GPR149: variants seen among roughly 807,000 people sequenced by gnomAD.
GPR149 encodes G protein-coupled receptor 149, also known as probable G protein-coupled receptor 149.
GPR149 carries 50 observed loss-of-function variants against 50.2 expected under a neutral mutation model. The ratio of observed to expected loss-of-function variants is 1.00; its 90% confidence interval spans 0.79 to 1.26. GPR149 has a LOEUF of 1.26. Ranked by LOEUF, GPR149 falls within the 50% of genes most tolerant of loss-of-function variation. The pLI is 0.00. For synonymous variants in GPR149, 405 were observed against 358.2 expected (o/e 1.13, Z -1.48); for missense variants, 983 against 895.4 (o/e 1.10, Z -1.25).
At position 154,390,792 on chromosome 3, in the gene GPR149, CAA is replaced by C. The variant is rs200833008; in HGVS notation, c.1623+30245_1623+30246del. 7.3e-3 allele frequency among the ~76,000 whole-genome samples: 1,105 copies of C among 151,900 alleles called. 18 individuals carry two copies. The highest frequency in any genetic ancestry group is 0.025 in the African/African-American group (1,051 of 41,424). Reference sequence around the variant, plus strand: ...TAATTGAACTGACAAAATTTGAAGACAAAGAGAGAATTTGAAAGCAGCAAGAG... The same window carrying C: ...TAATTGAACTGACAAAATTTGAAGACAGAGAGAATTTGAAAGCAGCAAGAG... On this transcript the variant is annotated intron_variant, in intron 3 of 3. Transcript: ENST00000389740.
chr3:154,426,176 C>A (rs1031101894), intron 2 of GPR149, among the ~76,000 whole-genome samples: 4 of 152,128 alleles, frequency 2.6e-5, no homozygotes, highest in Non-Finnish European at 5.9e-5. Context: ...TTTAGAGACA[C>A]ATCATTATTA....
At chr3:154,340,892 C>T (rs1196647662) in intron 3 of GPR149, among the ~76,000 whole-genome samples, 1 of 151,960 alleles carries the variant, frequency 6.6e-6, no homozygotes, top group African/African-American at 2.4e-5. Flanking sequence ...TGGCTAGTTT[C>T]TGTATTTTTA....
chr3:154,348,996 C>G (rs1040503787), intron 3 of GPR149, among the ~76,000 whole-genome samples: 14 of 151,784 alleles, frequency 9.2e-5, no homozygotes, highest in African/African-American at 3.4e-4. Flanking sequence ...TCTCCAAGCC[C>G]TTGGAAACTA....
intron 3 of GPR149, among the ~76,000 whole-genome samples, chr3:154,360,757 G>A (rs1385973381): frequency 6.6e-6 from 1 of 152,110 alleles, no homozygotes; most frequent in African/African-American, 2.4e-5. Context: ...TATGTGCATA[G>A]AGACCTATAG....
intron 3 of GPR149, chr3:154,353,063 C>A (rs552181877): frequency 1.4e-6 from 2 of 1,412,396 alleles, no homozygotes; most frequent in African/African-American, 2.8e-5. Flanking sequence ...CTCTTTGTGA[C>A]TGTGCAATAT....
chr3:154,378,851 T>C (rs1714855841), intron 3 of GPR149, among the ~76,000 whole-genome samples: 1 of 152,208 alleles, frequency 6.6e-6, no homozygotes, highest in Non-Finnish European at 1.5e-5. Flanking sequence ...ACTTATATCT[T>C]TGATCAAATA....
intron 3 of GPR149, among the ~76,000 whole-genome samples, chr3:154,390,124 A>G (rs1383061873): frequency 6.6e-6 from 1 of 152,142 alleles, no homozygotes; most frequent in Non-Finnish European, 1.5e-5. Flanking sequence ...CTGACTGGTG[A>G]GGATCCTCTC....
At chr3:154,359,584 C>T (rs1401422951) in intron 3 of GPR149, among the ~76,000 whole-genome samples, 1 of 152,170 alleles carries the variant, frequency 6.6e-6, no homozygotes, top group Non-Finnish European at 1.5e-5. Flanking sequence ...GAGGCAACAG[C>T]TTTTCATAGA....
At chr3:154,368,019 G>A (rs1714582181) in intron 3 of GPR149, among the ~76,000 whole-genome samples, 1 of 152,156 alleles carries the variant, frequency 6.6e-6, no homozygotes, top group South Asian at 2.1e-4. Flanking sequence ...AACAACCCCC[G>A]ACCCTCCAGG....
intron 3 of GPR149, chr3:154,354,771 A>G (rs919356175): frequency 2.8e-6 from 2 of 719,686 alleles, no homozygotes; most frequent in Non-Finnish European, 4.1e-6. Flanking sequence ...TCAGCTCCAT[A>G]ATGTCGCCCC....
At chr3:154,414,419 A>G (rs1391427470) in intron 3 of GPR149, among the ~76,000 whole-genome samples, 5 of 152,076 alleles carry the variant, frequency 3.3e-5, no homozygotes, top group African/African-American at 1.2e-4. Flanking sequence ...CCAAAAGAAG[A>G]ATCGTAGAAA....
intron 3 of GPR149, among the ~76,000 whole-genome samples, chr3:154,385,317 T>C (rs932894903): frequency 1.3e-5 from 2 of 152,196 alleles, no homozygotes; most frequent in African/African-American, 4.8e-5. Context: ...GGCTTTCATA[T>C]TTTTTGTACC....
chr3:154,351,842 A>G (rs747104543), intron 3 of GPR149, among the ~76,000 whole-genome samples: 1 of 152,242 alleles, frequency 6.6e-6, no homozygotes, highest in Non-Finnish European at 1.5e-5. Context: ...ATCCAATTTT[A>G]TAGCTGTATA....
chr3:154,379,371 G>A (rs1418525822), intron 3 of GPR149, among the ~76,000 whole-genome samples: 1 of 149,304 alleles, frequency 6.7e-6, no homozygotes, highest in East Asian at 1.9e-4. Context: ...AAAGTTATTT[G>A]TTTACTTTCT....
In GPR149 at chr3:154,383,132, C is replaced by T. The variant is rs777257740; in HGVS notation, c.1623+37907G>A. On this transcript the variant is annotated intron_variant, in intron 3 of 3. Transcript: ENST00000389740. ...ATAAATGGAGGCATTGGGCTTGAGG[C>T]TACTTATTTATATCCTGCTAAAACT... is the stretch of plus-strand genomic sequence containing the variant. Among the ~76,000 whole-genome samples, 53 of 152,152 alleles carry T rather than the reference C, an allele frequency of 3.5e-4. 1 individual carries two copies. The highest frequency in any genetic ancestry group is 1.3e-4 in the Non-Finnish European group (9 of 68,026).
At chr3:154,346,501 G>A (rs542081341) in intron 3 of GPR149, among the ~76,000 whole-genome samples, 1 of 151,992 alleles carries the variant, frequency 6.6e-6, no homozygotes, top group African/African-American at 2.4e-5. Context: ...CTTCATCAAG[G>A]GTCTGTAAGA....
intron 3 of GPR149, among the ~76,000 whole-genome samples, chr3:154,410,840 G>A (rs1036519619): frequency 1.3e-5 from 2 of 151,998 alleles, no homozygotes. Flanking sequence ...AGAACAAATG[G>A]ACTTAACAGA....
In GPR149 at chr3:154,421,081, G is replaced by A. The variant is rs1712129213; in HGVS notation, c.1581C>T (p.Asp527=). 1 of 1,612,808 alleles carries A rather than the reference G, an allele frequency of 6.2e-7. No individual in the cohort carries two copies. Among genetic ancestry groups the A allele is most frequent in the South Asian group, 1.1e-5 (1 of 91,004 alleles). The change falls in exon 3 of 4, where the codon GAC becomes GAT. Residue 527 remains aspartate, a synonymous_variant. Coordinates refer to ENST00000389740, the MANE Select transcript of GPR149 (RefSeq NM_001038705.3). The part of the protein sequence containing the change: ...HEESQKPDLS[D]WEWCRSKSER... ...CTGATTTACTCCTACACCACTCCCA[G>A]TCTGAAAGATCTGGTTTCTGACTCT...
intron 3 of GPR149, among the ~76,000 whole-genome samples, chr3:154,375,177 T>G (rs1259647311): frequency 6.6e-6 from 1 of 152,232 alleles, no homozygotes; most frequent in African/African-American, 2.4e-5. Context: ...AATATCCAAT[T>G]TTATTTGGGT....
Sources: gnomAD v4.1 joint callset for allele counts (sites outside exome capture counted in the v4.1 genomes callset) on GRCh38, gnomAD v4.1.1 for gene constraint, MANE v1.5 for transcripts, NCBI Gene and HGNC (gene_info 2026-07-23, HGNC 2026-07-21) for gene names.